The following TMEM117 variants were observed in gnomAD, a reference collection of about 807,000 sequenced individuals.
TMEM117 encodes transmembrane protein 117.
TMEM117 carries 27 observed loss-of-function variants against 52.4 expected under a neutral mutation model. The ratio of observed to expected loss-of-function variants is 0.51; its 90% CI spans 0.38 to 0.71. TMEM117 has a LOEUF of 0.71. TMEM117 is among the 30% of genes least tolerant of loss of function. TMEM117 has a pLI of 0.00. For synonymous variants in TMEM117, 215 were observed against 206.3 expected (o/e 1.04, Z -0.36); for missense variants, 556 against 630.5 (o/e 0.88, Z 1.26).
chr12:44,316,008 C>A (rs901387234), intron 6 of TMEM117, among the ~76,000 whole-genome samples: 1 of 152,088 alleles, frequency 6.6e-6, no homozygotes, highest in African/African-American at 2.4e-5. Flanking sequence ...AGGAGACAGA[C>A]TTTTTAATCC....
chr12:44,286,326 T>C (rs1950638317), intron 5 of TMEM117, among the ~76,000 whole-genome samples: 1 of 150,638 alleles, frequency 6.6e-6, no homozygotes, highest in Non-Finnish European at 1.5e-5. Context: ...ATAATATATA[T>C]AAACATAATA....
rs891546282 is a variant in TMEM117 at position 44,170,310 on chromosome 12, G to A, written c.510+26686G>A. ...GGCCTGCTGGGGGGTGGGGGGAGGGGGGAGGGATAGCATTAGGAGGTATAC... is the reference window on the plus strand; with the variant it reads ...GGCCTGCTGGGGGGTGGGGGGAGGGAGGAGGGATAGCATTAGGAGGTATAC... On this transcript the variant is annotated intron_variant, in intron 4 of 7. Coordinates refer to ENST00000266534, the MANE Select transcript of TMEM117 (RefSeq NM_032256.3). Among the ~76,000 whole-genome samples the A allele has an allele frequency of 5.8e-5, 6 of 103,288 alleles. No homozygotes were observed. In the South Asian group the frequency reaches 2.1e-3, roughly 37 times the overall value. 67.8% of individuals were successfully genotyped at this position (103,288 alleles called of 152,430 possible).
At chr12:43,947,385 ATAAT>A (rs1462443802) in intron 3 of TMEM117, among the ~76,000 whole-genome samples, 6 of 152,214 alleles carry the variant, frequency 3.9e-5, no homozygotes, top group African/African-American at 1.4e-4. Context: ...TAAAAGATGT[ATAAT>A]TAACTTTTAT....
At chr12:44,038,877 GTAGA>G (rs1195941240) in intron 3 of TMEM117, among the ~76,000 whole-genome samples, 4 of 152,286 alleles carry the variant, frequency 2.6e-5, no homozygotes, top group Non-Finnish European at 5.9e-5. Flanking sequence ...ACATGTAAAA[GTAGA>G]TAGAATAGTG....
At chr12:44,059,232 C>T (rs1248927699) in intron 3 of TMEM117, among the ~76,000 whole-genome samples, 1 of 151,904 alleles carries the variant, frequency 6.6e-6, no homozygotes, top group Non-Finnish European at 1.5e-5. Context: ...GATTGGGGAC[C>T]CCTGATGTAT....
chr12:44,172,760 T>C (rs1396699017), intron 4 of TMEM117, among the ~76,000 whole-genome samples: 1 of 152,204 alleles, frequency 6.6e-6, no homozygotes, highest in African/African-American at 2.4e-5. Flanking sequence ...AGTTTCGCTG[T>C]GTCACCCAGG....
chr12:44,275,723 CTT>C (rs1332791815), intron 5 of TMEM117, among the ~76,000 whole-genome samples: 3 of 151,694 alleles, frequency 2.0e-5, no homozygotes, highest in Admixed American at 1.3e-4. Context: ...CATGTTTTCA[CTT>C]ATTTTTGGGA....
the TMEM117 span, among the ~76,000 whole-genome samples, chr12:43,812,161 C>T: frequency 6.6e-6 from 1 of 152,174 alleles, no homozygotes; most frequent in Non-Finnish European, 1.5e-5. Flanking sequence ...CATCAATAGT[C>T]TCTGAATTTA....
intron 6 of TMEM117, among the ~76,000 whole-genome samples, chr12:44,362,164 C>T (rs950412190): frequency 1.3e-5 from 2 of 152,100 alleles, no homozygotes; most frequent in Non-Finnish European, 2.9e-5. Flanking sequence ...CATATCACCA[C>T]GTATTTGGCT....
intron 6 of TMEM117, among the ~76,000 whole-genome samples, chr12:44,364,490 G>A (rs1438345662): frequency 6.6e-6 from 1 of 151,964 alleles, no homozygotes; most frequent in Non-Finnish European, 1.5e-5. Flanking sequence ...TAACATTACA[G>A]ATTAGTTTTT....
chr12:44,027,786 TTAAC>T (rs1445038188), intron 3 of TMEM117, among the ~76,000 whole-genome samples: 49 of 152,338 alleles, frequency 3.2e-4, no homozygotes, highest in African/African-American at 1.2e-3. Flanking sequence ...AATAAATTGT[TTAAC>T]TATAGAGAGG....
At chr12:43,836,425 G>A (rs550026700) in intron 1 of TMEM117, among the ~76,000 whole-genome samples, 2 of 152,150 alleles carry the variant, frequency 1.3e-5, no homozygotes, top group Non-Finnish European at 2.9e-5. Context: ...AAGGAGGGAG[G>A]GGGGACGCGC....
chr12:44,033,432 G>C (rs1592458144), intron 3 of TMEM117, among the ~76,000 whole-genome samples: 1 of 152,156 alleles, frequency 6.6e-6, no homozygotes, highest in African/African-American at 2.4e-5. Flanking sequence ...CTCTGTGGGA[G>C]CCTGGATCAG....
chr12:44,344,660 A>T (rs1951460956), intron 6 of TMEM117, among the ~76,000 whole-genome samples: 1 of 152,080 alleles, frequency 6.6e-6, no homozygotes, highest in South Asian at 2.1e-4. Context: ...TCGAAGAAAA[A>T]ACACAGATGG....
intron 3 of TMEM117, among the ~76,000 whole-genome samples, chr12:44,047,235 G>T (rs1946894447): frequency 6.6e-6 from 1 of 151,976 alleles, no homozygotes; most frequent in Admixed American, 6.6e-5. Flanking sequence ...CTTTGATTCT[G>T]TTATTTTTTG....
the TMEM117 span, chr12:43,799,266 T>G: frequency 7.5e-6 from 4 of 536,178 alleles, no homozygotes; most frequent in African/African-American, 1.9e-5. Flanking sequence ...TAGCCTTATC[T>G]CTAAACTAAA....
At chr12:44,063,321 C>T (rs1434917802) in intron 3 of TMEM117, among the ~76,000 whole-genome samples, 1 of 152,140 alleles carries the variant, frequency 6.6e-6, no homozygotes, top group East Asian at 1.9e-4. Context: ...CTCTGCATAA[C>T]CTTGAATATC....
the TMEM117 span, among the ~76,000 whole-genome samples, chr12:43,803,924 T>G: frequency 1.3e-4 from 20 of 152,094 alleles, no homozygotes; most frequent in Admixed American, 1.3e-3. Flanking sequence ...ATTGTTCAAA[T>G]TCAAATCTGC....
intron 3 of TMEM117, among the ~76,000 whole-genome samples, chr12:43,993,791 C>T (rs1945983873): frequency 6.6e-6 from 1 of 152,078 alleles, no homozygotes; most frequent in African/African-American, 2.4e-5. Flanking sequence ...ACCTCCAGGG[C>T]TCAAGTGATT....
Sources: allele counts gnomAD v4.1 joint callset (sites outside exome capture counted in the v4.1 genomes callset), GRCh38; gene constraint gnomAD v4.1.1; transcripts MANE v1.5; gene names NCBI Gene and HGNC (gene_info 2026-07-23, HGNC 2026-07-21).